KLHL5: variants seen among roughly 807,000 people sequenced by gnomAD.
The protein encoded by KLHL5 is kelch like family member 5, also known as kelch-like protein 5.
KLHL5 carries 48 observed loss-of-function variants against 77.7 expected under a neutral mutation model. The ratio of observed to expected loss-of-function variants is 0.62; its 90% confidence interval spans 0.49 to 0.79. KLHL5 has a LOEUF of 0.79. KLHL5 is among the 30% of genes least tolerant of loss of function. The pLI, the probability that KLHL5 is intolerant of heterozygous loss-of-function variation, is 0.00. For missense variants in KLHL5, 723 were observed against 859.7 expected, an observed-to-expected ratio of 0.84 and a Z score of 1.99; for synonymous variants, 260 against 297.0, an observed-to-expected ratio of 0.88 and a Z score of 1.28.
intron 1 of KLHL5, among the ~76,000 whole-genome samples, chr4:39,064,822 G>T (rs1358787794): frequency 6.6e-6 from 1 of 151,872 alleles, no homozygotes; most frequent in Non-Finnish European, 1.5e-5. Context: ...ATTTTAAATT[G>T]ACGTTTTTCA....
At chr4:39,073,977 AACC>A (rs1488937478) in intron 1 of KLHL5, among the ~76,000 whole-genome samples, 1 of 151,900 alleles carries the variant, frequency 6.6e-6, no homozygotes, top group African/African-American at 2.4e-5. Context: ...TATTCATCAA[AACC>A]ACCATTATTT....
chr4:39,096,727 G>A lies in KLHL5; in HGVS notation c.1149G>A (p.Arg383=). ...ACATGGAAAATAATGTACTTTTTCG[G>A]GATGATATAGAATGTCAGAAACTCA... is the stretch of plus-strand genomic sequence containing the variant. ...LADMENNVLF[R]DDIECQKLIM... is the part of the protein sequence containing the mutation. The change falls in exon 6 of 11, where the codon CGG becomes CGA. Residue 383 remains arginine, a synonymous_variant. Transcript: ENST00000504108. 6.2e-7 allele frequency: 1 copy of A among 1,612,418 alleles called. No homozygotes were observed. Among genetic ancestry groups the A allele is most frequent in the East Asian group, 2.2e-5 (1 of 44,804 alleles).
At chr4:39,057,655 T>G (rs1717094898), upstream of KLHL5, among the ~76,000 whole-genome samples, 1 of 152,188 alleles carries the variant, frequency 6.6e-6, no homozygotes, top group South Asian at 2.1e-4. Flanking sequence ...AATCATGCAA[T>G]GCAACTTACT....
At chr4:39,055,204 A>G (rs1490317329) in intron 1 of KLHL5, among the ~76,000 whole-genome samples, 1 of 152,228 alleles carries the variant, frequency 6.6e-6, no homozygotes, top group African/African-American at 2.4e-5. Context: ...CAAGAATATA[A>G]GGAGTGCACA....
the KLHL5 span, among the ~76,000 whole-genome samples, chr4:39,143,056 A>C: frequency 6.6e-6 from 1 of 152,034 alleles, no homozygotes; most frequent in African/African-American, 2.4e-5. Context: ...CACACACACA[A>C]GTGCATATGT....
Position 39,124,862 on chromosome 4 carries a change from A to G in KLHL5, c.*3796A>G, listed in dbSNP as rs1385295508. Reference sequence around the variant, plus strand: ...AAGCTTCTACATATCAAGGGACACTATGAAGAAAGTGAAAAGACAACCCAC... The same window carrying G: ...AAGCTTCTACATATCAAGGGACACTGTGAAGAAAGTGAAAAGACAACCCAC... On this transcript the variant is annotated 3_prime_UTR_variant, in exon 11 of 11. Coordinates refer to ENST00000504108, the MANE Select transcript of KLHL5 (RefSeq NM_015990.5). Among the ~76,000 whole-genome samples, 1 of 151,374 alleles carries G rather than the reference A, an allele frequency of 6.6e-6. No individual in the cohort carries two copies. The highest frequency in any genetic ancestry group is 1.5e-5 in the Non-Finnish European group (1 of 67,810).
chr4:39,137,247 G>A, the KLHL5 span, among the ~76,000 whole-genome samples: 29 of 151,980 alleles, frequency 1.9e-4, no homozygotes, highest in African/African-American at 7.0e-4. Flanking sequence ...TAGGTAGACA[G>A]ATACAGACCA....
chr4:39,133,430 G>T, the KLHL5 span, among the ~76,000 whole-genome samples: 2 of 151,898 alleles, frequency 1.3e-5, no homozygotes, highest in African/African-American at 2.4e-5. Flanking sequence ...ATTGGCATAA[G>T]GAATATACTT....
intron 1 of KLHL5, among the ~76,000 whole-genome samples, chr4:39,051,114 A>G (rs1299139481): frequency 1.3e-5 from 2 of 152,222 alleles, no homozygotes; most frequent in African/African-American, 4.8e-5. Context: ...GACACTCTTT[A>G]TCTGGACATT....
intron 1 of KLHL5, among the ~76,000 whole-genome samples, chr4:39,064,290 T>C (rs1394956803): frequency 2.6e-5 from 4 of 152,122 alleles, no homozygotes; most frequent in African/African-American, 9.7e-5. Context: ...TTTTAATTAG[T>C]TCATGACTTG....
chr4:39,136,165 T>C, the KLHL5 span, among the ~76,000 whole-genome samples: 1 of 149,714 alleles, frequency 6.7e-6, no homozygotes, highest in East Asian at 2.0e-4. Flanking sequence ...TCCTTAATAA[T>C]AATAATTTTT....
intron 1 of KLHL5, among the ~76,000 whole-genome samples, chr4:39,063,381 GA>G (rs1336881341): frequency 6.6e-6 from 1 of 151,980 alleles, no homozygotes; most frequent in Non-Finnish European, 1.5e-5. Context: ...AACTATAGAA[GA>G]TATTTCTATA....
At position 39,062,517 on chromosome 4, in the gene KLHL5, G is replaced by A. The variant is rs926772598; in HGVS notation, c.-136G>A. The A allele has an allele frequency of 1.2e-6, 2 of 1,604,484 alleles. No individual in the cohort carries two copies. Among genetic ancestry groups the A allele is most frequent in the Non-Finnish European group, 1.7e-6 (2 of 1,172,210 alleles). ...TAAAAGTAATTGTAGATATATATATGAATGTGATTTATTTTCCTTTACATA... is the reference window on the plus strand; with the variant it reads ...TAAAAGTAATTGTAGATATATATATAAATGTGATTTATTTTCCTTTACATA... On this transcript the variant is annotated 5_prime_UTR_variant, in exon 1 of 11. An upstream start codon of the reference 5' UTR is lost. Coordinates refer to ENST00000504108, the MANE Select transcript of KLHL5 (RefSeq NM_015990.5).
intron 4 of KLHL5, among the ~76,000 whole-genome samples, chr4:39,084,049 T>C (rs1415444709): frequency 1.3e-5 from 2 of 152,238 alleles, no homozygotes; most frequent in African/African-American, 4.8e-5. Context: ...CAAAATTCAA[T>C]CTTCAATTTA....
intron 6 of KLHL5, among the ~76,000 whole-genome samples, chr4:39,102,499 T>C (rs1383626559): frequency 9.9e-6 from 1 of 100,878 alleles, no homozygotes; most frequent in East Asian, 3.2e-4. Flanking sequence ...CCCTTGCTTA[T>C]TGCAGTAGAA....
chr4:39,130,146 ACAGCCTT>A (rs1224858705), downstream of KLHL5, among the ~76,000 whole-genome samples: 2 of 152,222 alleles, frequency 1.3e-5, no homozygotes, highest in Admixed American at 6.5e-5. Context: ...CAGGGGTCTC[ACAGCCTT>A]CAGAGCAGAG....
intron 2 of KLHL5, among the ~76,000 whole-genome samples, chr4:39,077,359 G>A (rs1481317945): frequency 1.3e-5 from 2 of 152,082 alleles, no homozygotes; most frequent in Non-Finnish European, 2.9e-5. Context: ...CTACTCGGGA[G>A]GCTGAGGCAG....
intron 1 of KLHL5, among the ~76,000 whole-genome samples, chr4:39,075,194 G>A (rs1051877415): frequency 6.6e-6 from 1 of 152,064 alleles, no homozygotes; most frequent in African/African-American, 2.4e-5. Flanking sequence ...AGCTGGGCGT[G>A]GTGGTGCAAG....
At chr4:39,045,073 C>T in exon 1 of KLHL5, 1 of 988,192 alleles carries the variant, frequency 1.0e-6, no homozygotes, top group South Asian at 4.5e-5. Flanking sequence ...CCGTGACCCA[C>T]GGCCGCCTCC....
Sources: allele counts gnomAD v4.1 joint callset (sites outside exome capture counted in the v4.1 genomes callset), GRCh38; gene constraint gnomAD v4.1.1; transcripts MANE v1.5; gene names NCBI Gene and HGNC (gene_info 2026-07-23, HGNC 2026-07-21).